HSDL2: variants seen among roughly 807,000 people sequenced by gnomAD.
HSDL2 encodes hydroxysteroid dehydrogenase like 2.
In HSDL2, 27 loss-of-function variants were observed where a neutral mutation model predicts 46.3. That is an observed-to-expected ratio of 0.58 (90% confidence interval 0.43 to 0.80). The LOEUF is 0.80. Ranked by LOEUF, HSDL2 falls within the 30% of genes least tolerant of loss-of-function variation. HSDL2 has a pLI of 0.00. For synonymous variants in HSDL2, 153 were observed against 163.6 expected (o/e 0.94, Z 0.50); for missense variants, 451 against 502.7 (o/e 0.90, Z 0.98).
intron 10 of HSDL2, among the ~76,000 whole-genome samples, chr9:112,461,810 G>A (rs185389061): frequency 6.6e-6 from 1 of 152,286 alleles, no homozygotes; most frequent in East Asian, 1.9e-4. Context: ...CCCTCCAAAG[G>A]TGAAGAAATC....
chr9:112,392,606 G>A (rs777999480), intron 1 of HSDL2, among the ~76,000 whole-genome samples: 9 of 152,086 alleles, frequency 5.9e-5, no homozygotes, highest in South Asian at 2.1e-4. Context: ...TTGCACATCC[G>A]TTTATAGGCT....
chr9:112,420,516 A>AC (rs34464254), intron 6 of HSDL2, among the ~76,000 whole-genome samples: 68,703 of 150,750 alleles, frequency 0.46, 15,964 homozygotes, highest in South Asian at 0.52. Context: ...TAAAAAAAAA[A>AC]ACACACACAA....
chr9:112,441,717 A>C lies in HSDL2; in HGVS notation c.812A>C (p.Asp271Ala), dbSNP rs779056851. 25 of 1,612,918 alleles carry C rather than the reference A, an allele frequency of 1.5e-5. No homozygotes were observed. In the East Asian group the frequency reaches 4.9e-4, roughly 32 times the overall value. The change falls in exon 8 of 11, where the codon GAT (aspartate) becomes GCT (alanine). Residue 271 changes from aspartate (D) to alanine (A), a missense_variant. By Grantham distance (126) the Asp-to-Ala change is moderately radical (BLOSUM62 -2). Transcript: ENST00000398805. ...TTTTCAGGTCATCCTTTGCAACCAG[A>C]TTTCTTCTTAGATGAATACCCAGAA... The part of the protein sequence containing the change: ...AIKPGHPLQP[D>A]FFLDEYPEAV...
At chr9:112,385,773 G>A (rs1587924004) in intron 1 of HSDL2, among the ~76,000 whole-genome samples, 2 of 151,106 alleles carry the variant, frequency 1.3e-5, no homozygotes, top group South Asian at 4.2e-4. Flanking sequence ...GATTACAGGC[G>A]TAAGCCACTG....
At chr9:112,388,244 C>CTT (rs1199398353) in intron 1 of HSDL2, among the ~76,000 whole-genome samples, 3 of 151,644 alleles carry the variant, frequency 2.0e-5, no homozygotes, top group Admixed American at 6.6e-5. Flanking sequence ...GGGCAGATCA[C>CTT]GAGGTCAGGA....
chr9:112,449,965 G>A (rs1832843864), intron 8 of HSDL2, among the ~76,000 whole-genome samples: 1 of 151,978 alleles, frequency 6.6e-6, no homozygotes, highest in Admixed American at 6.6e-5. Flanking sequence ...CTTTGAGGTT[G>A]CTTTTGTTCC....
At chr9:112,405,193 A>G (rs1340283584) in intron 2 of HSDL2, among the ~76,000 whole-genome samples, 2 of 152,144 alleles carry the variant, frequency 1.3e-5, no homozygotes, top group Non-Finnish European at 1.5e-5. Flanking sequence ...CTCTACAAAA[A>G]ATAGAAAAAT....
chr9:112,415,001 A>G (rs1275679317), intron 4 of HSDL2, among the ~76,000 whole-genome samples: 2 of 152,184 alleles, frequency 1.3e-5, no homozygotes, highest in Non-Finnish European at 2.9e-5. Context: ...GAAGTCCTAG[A>G]AGTCATTGAA....
intron 8 of HSDL2, among the ~76,000 whole-genome samples, chr9:112,445,909 C>T (rs981692390): frequency 1.3e-5 from 2 of 152,164 alleles, no homozygotes; most frequent in South Asian, 4.1e-4. Context: ...CCCACACATG[C>T]ATTACTTCCT....
At chr9:112,425,146 C>G (rs555800751) in intron 6 of HSDL2, among the ~76,000 whole-genome samples, 2 of 152,114 alleles carry the variant, frequency 1.3e-5, no homozygotes, top group East Asian at 3.9e-4. Flanking sequence ...AGTTTCTTCC[C>G]TTTTTTTAAC....
intron 7 of HSDL2, among the ~76,000 whole-genome samples, chr9:112,440,296 C>T (rs1177346147): frequency 6.6e-6 from 1 of 151,664 alleles, no homozygotes; most frequent in African/African-American, 2.4e-5. Flanking sequence ...CAGAAGTTTG[C>T]TTAAACTTCT....
rs139071007 is a variant in HSDL2, at chr9:112,395,650, A to G, written c.18-8345A>G. On this transcript the variant is annotated intron_variant, in intron 1 of 10. Transcript: ENST00000398805. ...ATGAAAGAAACAGTCTTTAAGATCA[A>G]TAACTATGAGAGGCCAATTCTTAGG... 3.0e-3 allele frequency among the ~76,000 whole-genome samples: 451 copies of G among 152,384 alleles called. 2 individuals carry two copies. Among genetic ancestry groups the G allele is most frequent in the African/African-American group, 0.01 (420 of 41,596 alleles).
chr9:112,406,023 TG>T (rs1284773524), intron 3 of HSDL2, among the ~76,000 whole-genome samples: 1 of 151,872 alleles, frequency 6.6e-6, no homozygotes, highest in Non-Finnish European at 1.5e-5. Context: ...TAGCTGAACA[TG>T]GTGGTGGATG....
In HSDL2 at chr9:112,457,553, G is replaced by A. The variant is rs113759344; in HGVS notation, c.1016-1896G>A. Among the ~76,000 whole-genome samples, 470 of 152,234 alleles carry A rather than the reference G, an allele frequency of 3.1e-3. 12 individuals carry two copies. Among genetic ancestry groups the A allele is most frequent in the Non-Finnish European group, 1.9e-3 (127 of 68,014 alleles). Reference sequence around the variant, plus strand: ...CCAGCTACTTGGGAGGCTGAGATGGGAAGACAGCTTAAGCCCAGAAGGTCG... The same window carrying A: ...CCAGCTACTTGGGAGGCTGAGATGGAAAGACAGCTTAAGCCCAGAAGGTCG... On this transcript the variant is annotated intron_variant, in intron 9 of 10. Transcript: ENST00000398805.
intron 9 of HSDL2, among the ~76,000 whole-genome samples, chr9:112,455,946 C>A (rs997086486): frequency 2.0e-5 from 3 of 152,154 alleles, no homozygotes; most frequent in African/African-American, 7.2e-5. Context: ...ATACCAAGTA[C>A]CTGGGATCTT....
chr9:112,409,406 G>T (rs1831808328), intron 4 of HSDL2, among the ~76,000 whole-genome samples: 2 of 152,020 alleles, frequency 1.3e-5, no homozygotes, highest in African/African-American at 4.8e-5. Context: ...GGCCAGGCTG[G>T]TCTCAAACTC....
At chr9:112,443,308 A>G (rs1346338712) in intron 8 of HSDL2, among the ~76,000 whole-genome samples, 1 of 152,208 alleles carries the variant, frequency 6.6e-6, no homozygotes, top group Admixed American at 6.5e-5. Context: ...CTATGTGCCA[A>G]ACACTGTGCT....
At chr9:112,429,473 G>T (rs1392256427) in intron 6 of HSDL2, among the ~76,000 whole-genome samples, 1 of 152,070 alleles carries the variant, frequency 6.6e-6, no homozygotes, top group Admixed American at 6.5e-5. Context: ...AGGTCTTTGG[G>T]ATCCTGGGGT....
intron 6 of HSDL2, among the ~76,000 whole-genome samples, chr9:112,435,224 A>G (rs1275189943): frequency 6.6e-6 from 1 of 152,032 alleles, no homozygotes; most frequent in African/African-American, 2.4e-5. Context: ...TATTCTATAG[A>G]CACTCACACA....
Sources: gnomAD v4.1 joint callset for allele counts (sites outside exome capture counted in the v4.1 genomes callset) on GRCh38, gnomAD v4.1.1 for gene constraint, MANE v1.5 for transcripts, NCBI Gene and HGNC (gene_info 2026-07-23, HGNC 2026-07-21) for gene names.